The following RTTN variants were observed in gnomAD, a reference collection of about 807,000 sequenced individuals.
The protein encoded by RTTN is rotatin.
RTTN carries 182 observed loss-of-function variants against 269.2 expected under a neutral mutation model. The ratio of observed to expected loss-of-function variants is 0.68; its 90% CI spans 0.60 to 0.76. The LOEUF (loss-of-function observed/expected upper bound fraction) is 0.76. Ranked by LOEUF, RTTN falls within the 30% of genes least tolerant of loss-of-function variation. The pLI, the probability that RTTN is intolerant of heterozygous loss-of-function variation, is 0.00. For synonymous variants in RTTN, 1,006 were observed against 963.5 expected (o/e 1.04, Z -0.82); for missense variants, 2,545 against 2,608.6 (o/e 0.98, Z 0.53).
chr18:70,019,399 T>A (rs11660872), intron 45 of RTTN: 1 of 152,082 alleles, frequency 6.6e-6, no homozygotes, highest in Admixed American at 6.6e-5. Context: ...CTCATTCTTA[T>A]GGATGCTAAT....
intron 40 of RTTN, among the ~76,000 whole-genome samples, chr18:70,041,936 T>C (rs574598830): frequency 9.2e-5 from 14 of 152,090 alleles, no homozygotes; most frequent in East Asian, 7.8e-4. Flanking sequence ...ATAACCCCCA[T>C]TGGTCCCCTT....
chr18:70,127,699 A>T lies in RTTN; in HGVS notation c.3186T>A (p.Thr1062=). The T allele has an allele frequency of 6.2e-7, 1 of 1,612,912 alleles. No individual in the cohort carries two copies. Among genetic ancestry groups the T allele is most frequent in the Non-Finnish European group, 8.5e-7 (1 of 1,179,222 alleles). The stretch of plus-strand genomic sequence containing the variant: ...CACTAGCCATGTGTGTTATCTTCAG[A>T]GTGAGGATGTCCTCTGTAGATAACT... ...ALKLSTEDIL[T]LKITHMASGL... The change falls in exon 25 of 49, where the codon ACT becomes ACA. Residue 1062 remains threonine (T), a synonymous_variant. Transcript: ENST00000640769.
chr18:70,125,510 A>G (rs780045557), intron 25 of RTTN, among the ~76,000 whole-genome samples: 1 of 152,148 alleles, frequency 6.6e-6, no homozygotes, highest in Non-Finnish European at 1.5e-5. Flanking sequence ...GCCTCAAAGT[A>G]TATTTACTGA....
chr18:70,152,544 A>G (rs1035995968), intron 14 of RTTN, among the ~76,000 whole-genome samples: 1 of 152,192 alleles, frequency 6.6e-6, no homozygotes, highest in Non-Finnish European at 1.5e-5. Flanking sequence ...CAGTCTACTT[A>G]ACATATGCAC....
intron 26 of RTTN, among the ~76,000 whole-genome samples, chr18:70,115,288 A>C (rs2059575593): frequency 6.6e-6 from 1 of 152,036 alleles, no homozygotes; most frequent in Admixed American, 6.6e-5. Flanking sequence ...CACCCAAGCC[A>C]GTGCTATGTG....
At chr18:70,176,876 G>A in intron 10 of RTTN, 31 bp from the exon 11 acceptor site, 1 of 1,579,536 alleles carries the variant, frequency 6.3e-7, no homozygotes, top group Non-Finnish European at 8.6e-7. Flanking sequence ...TGAAACAGAA[G>A]AAAACAACCA....
chr18:70,134,249 T>C (rs918552196), intron 23 of RTTN, among the ~76,000 whole-genome samples: 4 of 152,096 alleles, frequency 2.6e-5, no homozygotes. Flanking sequence ...ATGCACCGTA[T>C]AGCTTTCAAC....
chr18:70,013,998 C>G (rs2056469994), intron 46 of RTTN, among the ~76,000 whole-genome samples: 1 of 152,154 alleles, frequency 6.6e-6, no homozygotes, highest in Non-Finnish European at 1.5e-5. Flanking sequence ...TTCCTAAGTT[C>G]TCTGCTATAC....
At chr18:70,105,235 T>C (rs2059290670) in intron 28 of RTTN, among the ~76,000 whole-genome samples, 1 of 152,302 alleles carries the variant, frequency 6.6e-6, no homozygotes, top group East Asian at 1.9e-4. Flanking sequence ...CACCTTGCAG[T>C]TCGATCTCAG....
intron 18 of RTTN, among the ~76,000 whole-genome samples, chr18:70,143,433 A>G (rs1257810212): frequency 1.3e-5 from 2 of 152,222 alleles, no homozygotes; most frequent in South Asian, 2.1e-4. Flanking sequence ...GGACGAGATC[A>G]TGTCTTTTGA....
intron 31 of RTTN, among the ~76,000 whole-genome samples, chr18:70,087,197 T>C (rs997831633): frequency 2.6e-5 from 4 of 152,120 alleles, no homozygotes; most frequent in African/African-American, 7.2e-5. Flanking sequence ...ATGATCAAAT[T>C]AAATAATCAT....
intron 10 of RTTN, among the ~76,000 whole-genome samples, chr18:70,180,454 T>C (rs2061398011): frequency 6.6e-6 from 1 of 152,176 alleles, no homozygotes; most frequent in Non-Finnish European, 1.5e-5. Context: ...TGGTGGTACA[T>C]GCCTGTAATC....
At chr18:70,005,101 G>A in intron 48 of RTTN, 97 bp downstream of exon 48, 1 of 708,374 alleles carries the variant, frequency 1.4e-6, no homozygotes, top group Non-Finnish European at 2.3e-6. Context: ...ATTTTACAAT[G>A]CCATTTTGCT....
chr18:70,177,604 C>T (rs2061333593), intron 10 of RTTN, among the ~76,000 whole-genome samples: 1 of 151,574 alleles, frequency 6.6e-6, no homozygotes, highest in Admixed American at 6.6e-5. Context: ...AAAGGACACC[C>T]TCAGTAAGAA....
chr18:70,172,046 T>A (rs1459933814), intron 11 of RTTN, among the ~76,000 whole-genome samples: 1 of 152,204 alleles, frequency 6.6e-6, no homozygotes, highest in Non-Finnish European at 1.5e-5. Context: ...GTTCCTAGAA[T>A]GCTCTGTGCT....
chr18:70,092,967 T>C (rs1416279807), intron 28 of RTTN, among the ~76,000 whole-genome samples, 163 bp from the exon 29 acceptor site: 8 of 152,220 alleles, frequency 5.3e-5, no homozygotes, highest in Admixed American at 3.9e-4. Context: ...GTAAATTTTA[T>C]GTTATGGGTA....
intron 19 of RTTN, among the ~76,000 whole-genome samples, chr18:70,140,530 T>G (rs1402544446): frequency 6.6e-6 from 1 of 152,154 alleles, no homozygotes; most frequent in Non-Finnish European, 1.5e-5. Context: ...TTATATTATT[T>G]CATTGACTCT....
intron 34 of RTTN, among the ~76,000 whole-genome samples, chr18:70,067,321 G>A (rs973504769): frequency 1.8e-4 from 28 of 152,118 alleles, no homozygotes; most frequent in Non-Finnish European, 2.6e-4. Flanking sequence ...CACCACGCCC[G>A]GCTAATTTTT....
chr18:70,192,710 C>G (rs1186787357), intron 8 of RTTN, among the ~76,000 whole-genome samples: 1 of 146,702 alleles, frequency 6.8e-6, no homozygotes, highest in Non-Finnish European at 1.5e-5. Context: ...TGTATTTACA[C>G]AAACAAATAC....
Sources: gnomAD v4.1 joint callset for allele counts (sites outside exome capture counted in the v4.1 genomes callset) on GRCh38, gnomAD v4.1.1 for gene constraint, MANE v1.5 for transcripts, NCBI Gene and HGNC (gene_info 2026-07-23, HGNC 2026-07-21) for gene names.